The following PLGRKT variants were observed in gnomAD, a reference collection of about 807,000 sequenced individuals.
PLGRKT encodes the protein plasminogen receptor with a C-terminal lysine.
Under a neutral mutation model 18.5 loss-of-function variants are expected in PLGRKT, and 22 were observed. The observed-to-expected ratio is 1.19, with a 90% CI of 0.85 to 1.70. PLGRKT has a LOEUF of 1.70. Among genes scored for constraint, PLGRKT ranks in the 40% most tolerant of loss-of-function variants. PLGRKT has a pLI of 0.00. For missense variants in PLGRKT, 235 were observed against 174.4 expected, an observed-to-expected ratio of 1.35 and a Z score of -1.96; for synonymous variants, 72 against 52.8, an observed-to-expected ratio of 1.36 and a Z score of -1.58.
chr9:5,433,483 ACT>A (rs779608371), intron 2 of PLGRKT, among the ~76,000 whole-genome samples: 9 of 84,804 alleles, frequency 1.1e-4, no homozygotes, highest in Non-Finnish European at 1.6e-4. Flanking sequence ...GCAAGGAGCG[ACT>A]CTGCCTGACC....
At chr9:5,366,022 T>A (rs1817377973) in intron 3 of PLGRKT, among the ~76,000 whole-genome samples, 1 of 152,188 alleles carries the variant, frequency 6.6e-6, no homozygotes, top group Non-Finnish European at 1.5e-5. Flanking sequence ...AACATTCTAA[T>A]GAAAGATATT....
chr9:5,392,291 G>A lies in PLGRKT; in HGVS notation c.82-30403C>T, dbSNP rs558491698. On this transcript the variant is annotated intron_variant, in intron 3 of 5. Coordinates refer to ENST00000223864, the MANE Select transcript of PLGRKT (RefSeq NM_018465.4). ...TCATAGTTCTGATTAATTGCTTAGG[G>A]TTAATATATTGATATAAATGAACTG... 79 of 152,004 alleles carry A rather than the reference G, an allele frequency of 5.2e-4. 2 individuals are homozygous for A. The highest frequency in any genetic ancestry group is 1.8e-3 in the African/African-American group (76 of 41,290). The allele number at this position is 152,004 out of a possible 1,614,324, so 9.4% of individuals were successfully genotyped here.
chr9:5,366,526 G>A (rs1310321791), intron 3 of PLGRKT, among the ~76,000 whole-genome samples: 1 of 152,018 alleles, frequency 6.6e-6, no homozygotes, highest in Non-Finnish European at 1.5e-5. Flanking sequence ...TTAACAATTA[G>A]AGAACCACAA....
At chr9:5,433,890 G>C (rs867302421) in intron 2 of PLGRKT, among the ~76,000 whole-genome samples, 4 of 149,426 alleles carry the variant, frequency 2.7e-5, no homozygotes, top group Non-Finnish European at 4.4e-5. Flanking sequence ...TCTGGGATGT[G>C]AGGAGCGCCT....
At chr9:5,364,503 T>C (rs1284431126) in intron 3 of PLGRKT, among the ~76,000 whole-genome samples, 2 of 152,168 alleles carry the variant, frequency 1.3e-5, no homozygotes, top group African/African-American at 2.4e-5. Context: ...ATACAAATTT[T>C]ACAAATCAGC....
At chr9:5,394,464 G>C (rs1477097432) in intron 3 of PLGRKT, among the ~76,000 whole-genome samples, 1 of 151,916 alleles carries the variant, frequency 6.6e-6, no homozygotes, top group South Asian at 2.1e-4. Context: ...CCAGGCTGGA[G>C]TGCAATGGCG....
At chr9:5,370,581 T>C (rs996234733) in intron 3 of PLGRKT, among the ~76,000 whole-genome samples, 1 of 152,216 alleles carries the variant, frequency 6.6e-6, no homozygotes, top group African/African-American at 2.4e-5. Context: ...CAGAAAAGTT[T>C]GGTTTTTATT....
At chr9:5,376,324 G>A (rs778369217) in intron 3 of PLGRKT, among the ~76,000 whole-genome samples, 4 of 152,134 alleles carry the variant, frequency 2.6e-5, no homozygotes, top group African/African-American at 9.7e-5. Context: ...AAGGGGCCAC[G>A]TCTGGGCCTT....
At chr9:5,399,647 T>C (rs1198249296) in intron 3 of PLGRKT, among the ~76,000 whole-genome samples, 1 of 151,838 alleles carries the variant, frequency 6.6e-6, no homozygotes, top group Non-Finnish European at 1.5e-5. Context: ...ACTAATGTCT[T>C]TGAATATGCA....
intron 3 of PLGRKT, among the ~76,000 whole-genome samples, chr9:5,429,301 T>G (rs1305626658): frequency 6.6e-6 from 1 of 152,194 alleles, no homozygotes; most frequent in Non-Finnish European, 1.5e-5. Flanking sequence ...AAAATCACTA[T>G]GAAGCTCCAG....
chr9:5,389,160 T>C (rs1444842984), intron 3 of PLGRKT, among the ~76,000 whole-genome samples: 1 of 151,904 alleles, frequency 6.6e-6, no homozygotes, highest in Non-Finnish European at 1.5e-5. Flanking sequence ...CATAGTTATA[T>C]GATGGGATAT....
At chr9:5,378,515 A>G (rs968274961) in intron 3 of PLGRKT, among the ~76,000 whole-genome samples, 1 of 152,232 alleles carries the variant, frequency 6.6e-6, no homozygotes, top group African/African-American at 2.4e-5. Flanking sequence ...AAAATTAGAC[A>G]AAAAACTAGC....
At chr9:5,380,116 G>A (rs1000681388) in intron 3 of PLGRKT, among the ~76,000 whole-genome samples, 10 of 152,114 alleles carry the variant, frequency 6.6e-5, no homozygotes, top group Non-Finnish European at 1.3e-4. Flanking sequence ...TGTAATCCCC[G>A]CACTTTGGGA....
At chr9:5,433,991 C>T (rs1563794273) in intron 2 of PLGRKT, among the ~76,000 whole-genome samples, 1 of 145,348 alleles carries the variant, frequency 6.9e-6, no homozygotes, top group Admixed American at 6.8e-5. Flanking sequence ...CCCGGCTGCC[C>T]CGTCTGGGAG....
intron 3 of PLGRKT, among the ~76,000 whole-genome samples, chr9:5,424,031 T>C (rs888940523): frequency 7.6e-5 from 11 of 145,610 alleles, no homozygotes; most frequent in African/African-American, 2.5e-4. Context: ...ATGACATATA[T>C]TGTATATACC....
At position 5,399,111 on chromosome 9, in the gene PLGRKT, C is replaced by G. The variant is rs191926886; in HGVS notation, c.81+32786G>C. Among the ~76,000 whole-genome samples, 7 of 151,780 alleles carry G rather than the reference C, an allele frequency of 4.6e-5. No homozygotes were observed. In the East Asian group the frequency reaches 1.4e-3, roughly 29 times the overall value. ...CATCTCTACCACTCCCCAGTACCCC[C>G]AAATCCTTATTCCTATTCCTTACTC... On this transcript the variant is annotated intron_variant, in intron 3 of 5. Transcript: ENST00000223864.
At chr9:5,378,452 G>C (rs7023283) in intron 3 of PLGRKT, among the ~76,000 whole-genome samples, 42,624 of 152,040 alleles carry the variant, frequency 0.28, 6,113 homozygotes, top group Non-Finnish European at 0.3. Flanking sequence ...TAATCCTAAT[G>C]TTGAACAAAA....
At chr9:5,396,964 A>C (rs1270654778) in intron 3 of PLGRKT, among the ~76,000 whole-genome samples, 1 of 152,012 alleles carries the variant, frequency 6.6e-6, no homozygotes, top group African/African-American at 2.4e-5. Context: ...TTCATACTTC[A>C]CAGTGACAAT....
At chr9:5,378,097 T>C (rs756608803) in intron 3 of PLGRKT, among the ~76,000 whole-genome samples, 3 of 152,184 alleles carry the variant, frequency 2.0e-5, no homozygotes, top group Non-Finnish European at 2.9e-5. Context: ...AGAAAATCCA[T>C]GCCAGCTCCT....
Sources: allele counts gnomAD v4.1 joint callset (sites outside exome capture counted in the v4.1 genomes callset), GRCh38; gene constraint gnomAD v4.1.1; transcripts MANE v1.5; gene names NCBI Gene and HGNC (gene_info 2026-07-23, HGNC 2026-07-21).